The following TULP4 variants were observed in gnomAD, a reference collection of about 807,000 sequenced individuals.
The protein encoded by TULP4 is tubby-related protein 4.
TULP4 carries 16 observed loss-of-function variants against 129.0 expected under a neutral mutation model. The ratio of observed to expected loss-of-function variants is 0.12; its 90% CI spans 0.08 to 0.19. The LOEUF (loss-of-function observed/expected upper bound fraction) is 0.19, where lower values mean the gene tolerates loss of function less well. Ranked by LOEUF, TULP4 falls within the 10% of genes least tolerant of loss-of-function variation. The pLI, the probability that TULP4 is intolerant of heterozygous loss-of-function variation, is 1.00. For missense variants in TULP4, 1,842 were observed against 2,059.1 expected (o/e 0.89, Z 2.04); for synonymous variants, 998 against 854.0 (o/e 1.17, Z -2.94).
At chr6:158,340,870 T>C (rs1034609303) in intron 1 of TULP4, among the ~76,000 whole-genome samples, 2 of 152,348 alleles carry the variant, frequency 1.3e-5, no homozygotes, top group African/African-American at 2.4e-5. Flanking sequence ...CTTTGTGGGA[T>C]TGCTGAGCTG....
chr6:158,247,457 C>T (rs993441431), intron 1 of TULP4, among the ~76,000 whole-genome samples: 1 of 152,208 alleles, frequency 6.6e-6, no homozygotes, highest in Non-Finnish European at 1.5e-5. Context: ...AAAACTGTTG[C>T]TCAGCAATTT....
intron 6 of TULP4, among the ~76,000 whole-genome samples, chr6:158,470,736 T>C: frequency 6.6e-6 from 1 of 152,212 alleles, no homozygotes; most frequent in Non-Finnish European, 1.5e-5. Flanking sequence ...ATGGTCTCAC[T>C]AGAATGGTGA....
At chr6:158,268,202 A>AT (rs578115734) in intron 1 of TULP4, among the ~76,000 whole-genome samples, 46 of 150,530 alleles carry the variant, frequency 3.1e-4, no homozygotes, top group African/African-American at 1.0e-3. Flanking sequence ...CACTTGGCTA[A>AT]TTTTTTTTGT....
intron 1 of TULP4, among the ~76,000 whole-genome samples, chr6:158,248,490 C>T (rs545727193): frequency 1.1e-4 from 17 of 152,088 alleles, no homozygotes; most frequent in African/African-American, 1.7e-4. Flanking sequence ...AGGATGATCT[C>T]GACCTCCTGA....
At chr6:158,335,183 A>G (rs1222969750) in intron 1 of TULP4, among the ~76,000 whole-genome samples, 10 of 151,880 alleles carry the variant, frequency 6.6e-5, no homozygotes, top group Admixed American at 6.6e-4. Flanking sequence ...AGGCTGAGGA[A>G]GGAGAATCAC....
chr6:158,370,194 C>A (rs899531685), intron 1 of TULP4, among the ~76,000 whole-genome samples: 1 of 151,846 alleles, frequency 6.6e-6, no homozygotes, highest in African/African-American at 2.4e-5. Flanking sequence ...TGGTGGCTCA[C>A]GCCTGTAATC....
At chr6:158,332,181 AAAAAAAAAAAAAAAAAAAAATATATATAT>A (rs1208149648) in intron 1 of TULP4, among the ~76,000 whole-genome samples, 5,254 of 77,248 alleles carry the variant, frequency 0.068, 448 homozygotes, top group African/African-American at 0.27. Flanking sequence ...AAAAAAAAAA[AAAAAAAAAAAAAAAAAAAAATATATATAT>A]ATATATATAT....
intron 1 of TULP4, among the ~76,000 whole-genome samples, chr6:158,265,868 T>A (rs565076386): frequency 6.6e-6 from 1 of 152,312 alleles, no homozygotes; most frequent in South Asian, 2.1e-4. Context: ...TATAAAACTT[T>A]TGTATTTCAC....
intron 1 of TULP4, among the ~76,000 whole-genome samples, chr6:158,232,479 G>C (rs1158223269): frequency 4.0e-5 from 6 of 150,766 alleles, no homozygotes; most frequent in African/African-American, 1.5e-4. Flanking sequence ...CGGGAGTCTT[G>C]GGAGGGGGCG....
Position 158,507,467 on chromosome 6 carries a change from C to T in TULP4, c.*773C>T, listed in dbSNP as rs543098679. ...TGCTGAGGATGTCTACATTGAAAGC[C>T]TCCACTAGTTTCATCGTTTGTCAAA... On this transcript the variant is annotated 3_prime_UTR_variant, in exon 14 of 14. Coordinates refer to ENST00000367097, the MANE Select transcript of TULP4 (RefSeq NM_020245.5). The T allele has an allele frequency of 6.6e-6, 1 of 152,352 alleles. No homozygotes were observed. The highest frequency in any genetic ancestry group is 1.9e-4 in the East Asian group (1 of 5,192). 9.4% of individuals were successfully genotyped at this position (152,352 alleles called of 1,614,324 possible).
At position 158,399,872 on chromosome 6, in the gene TULP4, C is replaced by T. The variant is rs190683960; in HGVS notation, c.253-13193C>T. On this transcript the variant is annotated intron_variant, in intron 1 of 13. Transcript: ENST00000367097. ...TCTTTAGCATTCATGTGGATTTTGA[C>T]GAAAGAACACTCTAAAAGAGCTTGA... Among the ~76,000 whole-genome samples the T allele has an allele frequency of 2.3e-3, 356 of 152,236 alleles. 2 individuals are homozygous for T. Among genetic ancestry groups the T allele is most frequent in the African/African-American group, 7.9e-3 (329 of 41,552 alleles).
chr6:158,384,761 C>T (rs1164736310), intron 1 of TULP4, among the ~76,000 whole-genome samples: 13 of 152,148 alleles, frequency 8.5e-5, no homozygotes, highest in Admixed American at 7.9e-4. Flanking sequence ...GGCCTCAGAC[C>T]TGAACTCGCC....
At position 158,248,558 on chromosome 6, in the gene TULP4, C is replaced by T. The variant is rs796358155; in HGVS notation, n.68+16255C>T. Among the ~76,000 whole-genome samples, 7 of 152,054 alleles carry T rather than the reference C, an allele frequency of 4.6e-5. No homozygotes were observed. The South Asian group carries it at 8.3e-4, about 18-fold the overall frequency. Reference sequence around the variant, plus strand: ...TGCTGGGATTACAGGCATGAGCCACCGTGCCCGGCGTCTGTTCTTTACAGA... The same window carrying T: ...TGCTGGGATTACAGGCATGAGCCACTGTGCCCGGCGTCTGTTCTTTACAGA... On this transcript the variant is annotated intron_variant and non_coding_transcript_variant, in intron 1 of 1. Transcript: ENST00000620026.
rs1554297650 is a variant in TULP4, at chr6:158,503,860, A to G, written c.4197A>G (p.Thr1399=). 1.2e-6 allele frequency: 2 copies of G among 1,614,100 alleles called. No individual in the cohort carries two copies. The highest frequency in any genetic ancestry group is 1.7e-6 in the Non-Finnish European group (2 of 1,180,044). ...TGAAGTCAAAGAAGTTGAATAAGAC[A>G]AACGAGTTCCAGGACAGCTCCGAGA... ...DQLKSKKLNK[T]NEFQDSSESE... is the part of the protein sequence containing the mutation. The change falls in exon 13 of 14, where the codon ACA becomes ACG. Residue 1399 remains threonine, a synonymous_variant. Transcript: ENST00000367097. This position sits in a 1 kb window ranked among gnomAD's most constrained non-coding sequence, Gnocchi z 4.3.
intron 1 of TULP4, among the ~76,000 whole-genome samples, chr6:158,402,452 T>C (rs1335594127): frequency 6.6e-6 from 1 of 152,252 alleles, no homozygotes; most frequent in African/African-American, 2.4e-5. Flanking sequence ...CTGTCATTAC[T>C]GTTACAAAAT....
chr6:158,390,611 A>G (rs894261273), intron 1 of TULP4, among the ~76,000 whole-genome samples: 1 of 152,222 alleles, frequency 6.6e-6, no homozygotes, highest in African/African-American at 2.4e-5. Flanking sequence ...AACAGATAGG[A>G]CAAGCAAATC....
chr6:158,260,070 G>C (rs1278437397), intron 1 of TULP4, among the ~76,000 whole-genome samples: 1 of 152,202 alleles, frequency 6.6e-6, no homozygotes, highest in Non-Finnish European at 1.5e-5. Context: ...CCAGAGGTCA[G>C]GGGTGGGAAT....
Position 158,503,801 on chromosome 6 carries a change from G to C in TULP4, c.4138G>C (p.Glu1380Gln). The change falls in exon 13 of 14, where the codon GAG becomes CAG. Residue 1380 changes from glutamate (E) to glutamine (Q), a missense_variant. Glu to Gln is a conservative substitution (Grantham distance 29). This residue lies in a region of TULP4 where 1,089 missense variants were observed against 987.1 expected (regional missense o/e 1.10). Coordinates refer to ENST00000367097, the MANE Select transcript of TULP4 (RefSeq NM_020245.5). The surrounding 1 kb of genome is among the most constrained non-coding windows in gnomAD (Gnocchi z 4.3). ...SLISSPHLGR[E>Q]KKKVKSQKDQ... ...AATCTCCAGCCCACACCTGGGGAGAGAGAAGAAGAAAGTGAAGAGTCAGAA... is the reference window on the plus strand; with the variant it reads ...AATCTCCAGCCCACACCTGGGGAGACAGAAGAAGAAAGTGAAGAGTCAGAA... The C allele has an allele frequency of 6.2e-7, 1 of 1,614,164 alleles. No individual in the cohort carries two copies. The highest frequency in any genetic ancestry group is 8.5e-7 in the Non-Finnish European group (1 of 1,180,038).
chr6:158,372,079 T>G (rs893558040), intron 1 of TULP4, among the ~76,000 whole-genome samples: 9 of 150,108 alleles, frequency 6.0e-5, no homozygotes, highest in Non-Finnish European at 1.3e-4. Context: ...CCTCTCAAAG[T>G]GCTGGGATTA....
Sources: allele counts gnomAD v4.1 joint callset (sites outside exome capture counted in the v4.1 genomes callset), GRCh38; gene constraint gnomAD v4.1.1; regional missense constraint gnomAD v4.1.1; non-coding constraint Gnocchi (gnomAD v3.1); transcripts MANE v1.5; gene names NCBI Gene and HGNC (gene_info 2026-07-23, HGNC 2026-07-21).